The following STX18 variants were observed in gnomAD, a reference collection of about 807,000 sequenced individuals.
STX18 encodes the protein syntaxin-18.
STX18 carries 40 observed loss-of-function variants against 50.1 expected under a neutral mutation model. The ratio of observed to expected loss-of-function variants is 0.80; its 90% confidence interval spans 0.62 to 1.04. The LOEUF is 1.04. Among genes scored for constraint, STX18 ranks in the 50% least tolerant of loss-of-function variants. STX18 has a pLI of 0.00. For missense variants in STX18, 410 were observed against 415.8 expected, an observed-to-expected ratio of 0.99 and a Z score of 0.12; for synonymous variants, 158 against 151.8, an observed-to-expected ratio of 1.04 and a Z score of -0.30.
chr4:4,442,772 C>T (rs181130183), intron 5 of STX18, among the ~76,000 whole-genome samples: 2 of 137,016 alleles, frequency 1.5e-5, no homozygotes, highest in Admixed American at 7.7e-5. Flanking sequence ...TTGCTATGAA[C>T]GTAAAACTGC....
Position 4,510,584 on chromosome 4 carries a change from A to G in STX18, c.168+31213T>C, listed in dbSNP as rs184282968. On this transcript the variant is annotated intron_variant, in intron 1 of 10. Transcript: ENST00000306200. ...TGTAAATTAGTTCAACCATTGTGGAATACAGTGTGGAGATTCCTCAAGGAT... is the reference window on the plus strand; with the variant it reads ...TGTAAATTAGTTCAACCATTGTGGAGTACAGTGTGGAGATTCCTCAAGGAT... Among the ~76,000 whole-genome samples, 668 of 152,346 alleles carry G rather than the reference A, an allele frequency of 4.4e-3. 3 individuals carry two copies. The highest frequency in any genetic ancestry group is 0.015 in the African/African-American group (627 of 41,590).
intron 1 of STX18, among the ~76,000 whole-genome samples, chr4:4,505,331 A>G (rs1232850610): frequency 3.3e-5 from 5 of 152,256 alleles, no homozygotes; most frequent in Non-Finnish European, 5.9e-5. Context: ...ACAGTTGAAC[A>G]AAATCATATC....
At chr4:4,462,090 G>C (rs770787720) in intron 2 of STX18, 6 of 428,338 alleles carry the variant, frequency 1.4e-5, no homozygotes, top group Non-Finnish European at 2.4e-5. Context: ...TGCTGACCTA[G>C]ATTTTACCAA....
chr4:4,509,576 T>C (rs1253538814), intron 1 of STX18, among the ~76,000 whole-genome samples: 1 of 152,198 alleles, frequency 6.6e-6, no homozygotes, highest in Non-Finnish European at 1.5e-5. Flanking sequence ...TCATGGGTTT[T>C]GGTTACAATC....
intron 1 of STX18, chr4:4,507,815 TAAAA>T (rs879049430): frequency 9.8e-3 from 2,124 of 217,498 alleles, no homozygotes; most frequent in Middle Eastern, 0.016. Flanking sequence ...ATATTCACAG[TAAAA>T]AAAAAAAAAA....
intron 7 of STX18, among the ~76,000 whole-genome samples, chr4:4,428,149 C>A (rs548609230): frequency 1.2e-3 from 187 of 152,336 alleles, no homozygotes; most frequent in Non-Finnish European, 1.9e-3. Flanking sequence ...TGCCTCCCTT[C>A]GTCTGTTGCC....
intron 1 of STX18, among the ~76,000 whole-genome samples, chr4:4,525,595 T>C (rs892464412): frequency 6.6e-6 from 1 of 152,176 alleles, no homozygotes; most frequent in African/African-American, 2.4e-5. Context: ...ATGGTGTCTG[T>C]TCTGTCTAAA....
chr4:4,469,174 A>C (rs1727782815), intron 2 of STX18, among the ~76,000 whole-genome samples: 1 of 152,224 alleles, frequency 6.6e-6, no homozygotes, highest in Non-Finnish European at 1.5e-5. Context: ...GCAGAGTAAA[A>C]GGTGAGGAAG....
intron 1 of STX18, among the ~76,000 whole-genome samples, chr4:4,541,109 A>T (rs1465506817): frequency 2.0e-5 from 3 of 152,218 alleles, no homozygotes; most frequent in Non-Finnish European, 4.4e-5. Flanking sequence ...TCATTCACTC[A>T]TTCAACAAAC....
At chr4:4,476,655 T>C (rs772464263) in intron 1 of STX18, among the ~76,000 whole-genome samples, 3 of 152,230 alleles carry the variant, frequency 2.0e-5, no homozygotes, top group Non-Finnish European at 4.4e-5. Context: ...AATGATATTA[T>C]GTACTAGGAT....
At chr4:4,421,778 G>A (rs1321191268) in intron 9 of STX18, among the ~76,000 whole-genome samples, 1 of 152,144 alleles carries the variant, frequency 6.6e-6, no homozygotes, top group Non-Finnish European at 1.5e-5. Context: ...AGTGCTTTGT[G>A]TTTTACTATC....
chr4:4,493,889 T>C (rs377309458), intron 1 of STX18, among the ~76,000 whole-genome samples: 3 of 152,238 alleles, frequency 2.0e-5, no homozygotes, highest in South Asian at 2.1e-4. Flanking sequence ...CTCATTTTCA[T>C]GGGAAAACAG....
intron 8 of STX18, among the ~76,000 whole-genome samples, chr4:4,424,027 A>G (rs7677369): frequency 0.19 from 29,628 of 152,166 alleles, 7,515 homozygotes; most frequent in African/African-American, 0.59. Flanking sequence ...AGCTTTGTTA[A>G]TGCTCAGCAG....
chr4:4,514,893 A>T (rs1213578876), intron 1 of STX18, among the ~76,000 whole-genome samples: 1 of 152,176 alleles, frequency 6.6e-6, no homozygotes. Context: ...TGCCTTCTCT[A>T]TGAAGATCCT....
At chr4:4,480,930 A>C (rs1728429348) in intron 1 of STX18, among the ~76,000 whole-genome samples, 1 of 152,212 alleles carries the variant, frequency 6.6e-6, no homozygotes, top group Non-Finnish European at 1.5e-5. Context: ...TTAAGCATAC[A>C]TATGCACTAC....
At chr4:4,489,116 GAGAA>G (rs1225841227) in intron 1 of STX18, among the ~76,000 whole-genome samples, 1 of 152,050 alleles carries the variant, frequency 6.6e-6, no homozygotes, top group African/African-American at 2.4e-5. Flanking sequence ...TCAAAGTTCT[GAGAA>G]AGAGGGTTTG....
chr4:4,510,415 C>T (rs1485788129), intron 1 of STX18, among the ~76,000 whole-genome samples: 2 of 152,174 alleles, frequency 1.3e-5, no homozygotes, highest in African/African-American at 2.4e-5. Context: ...GTCTCAGATC[C>T]TCCTTGTCAA....
chr4:4,507,040 A>T (rs1213327492), intron 1 of STX18: 1 of 439,858 alleles, frequency 2.3e-6, no homozygotes, highest in Non-Finnish European at 4.4e-6. Flanking sequence ...ATTTTTAAAA[A>T]GCAGCTCTTC....
intron 1 of STX18, among the ~76,000 whole-genome samples, chr4:4,520,765 G>A (rs1361946472): frequency 6.6e-6 from 1 of 151,974 alleles, no homozygotes; most frequent in Non-Finnish European, 1.5e-5. Context: ...AGAAGACTGT[G>A]CAAACAATAC....
Sources: gnomAD v4.1 joint callset for allele counts (sites outside exome capture counted in the v4.1 genomes callset) on GRCh38, gnomAD v4.1.1 for gene constraint, MANE v1.5 for transcripts, NCBI Gene and HGNC (gene_info 2026-07-23, HGNC 2026-07-21) for gene names.